ZFP90: variants seen among roughly 807,000 people sequenced by gnomAD.
ZFP90 encodes ZFP90 zinc finger protein.
A neutral mutation model predicts 60.8 loss-of-function variants in ZFP90; 38 were observed. That is an observed-to-expected ratio of 0.62 (90% CI 0.48 to 0.82). The LOEUF (loss-of-function observed/expected upper bound fraction) is 0.82. ZFP90 is among the 40% of genes least tolerant of loss of function. The pLI is 0.00. For missense variants in ZFP90, 711 were observed against 759.1 expected (o/e 0.94, Z 0.74); for synonymous variants, 287 against 264.8 (o/e 1.08, Z -0.82).
chr16:68,549,205 T>A (rs1299075680), intron 2 of ZFP90, among the ~76,000 whole-genome samples: 1 of 152,174 alleles, frequency 6.6e-6, no homozygotes, highest in East Asian at 1.9e-4. Flanking sequence ...GTTTAGTGTT[T>A]GCCTAGCAGC....
intron 2 of ZFP90, among the ~76,000 whole-genome samples, chr16:68,552,909 A>G (rs371320534): frequency 6.6e-6 from 1 of 152,026 alleles, no homozygotes; most frequent in African/African-American, 2.4e-5. Flanking sequence ...TAAAAAAAAT[A>G]GGTATGGTGG....
intron 2 of ZFP90, among the ~76,000 whole-genome samples, chr16:68,547,082 G>A (rs1414575414): frequency 1.3e-5 from 2 of 152,170 alleles, no homozygotes; most frequent in Non-Finnish European, 2.9e-5. Context: ...TATTGAACGT[G>A]GGGGTACAGA....
Position 68,563,645 on chromosome 16 carries a change from A to C in ZFP90, c.858A>C (p.Val286=), listed in dbSNP as rs1597749813. The change falls in exon 5 of 5, where the codon GTA becomes GTC. Residue 286 remains valine, a synonymous_variant. Transcript: ENST00000563169. ...GGGAGAAACCCTTTGAATGCAATGT[A>C]TGTGGAAAGGCCTTCAGGCATAGCT... ...HTGEKPFECN[V]CGKAFRHSSS... 2 of 1,614,148 alleles carry C rather than the reference A, an allele frequency of 1.2e-6. No individual in the cohort carries two copies. The highest frequency in any genetic ancestry group is 1.1e-5 in the South Asian group (1 of 91,072).
intron 2 of ZFP90, among the ~76,000 whole-genome samples, chr16:68,555,547 G>A (rs908586914): frequency 1.1e-4 from 16 of 152,218 alleles, no homozygotes; most frequent in Admixed American, 2.6e-4. Flanking sequence ...GAGATATAGT[G>A]TGAGTCAGGT....
chr16:68,556,681 T>C (rs115264806), intron 2 of ZFP90, among the ~76,000 whole-genome samples: 1,829 of 152,290 alleles, frequency 0.012, 52 homozygotes, highest in African/African-American at 0.042. Context: ...TCTCCGATCA[T>C]TGCTAGAAAC....
At chr16:68,534,479 CG>C (rs561186014), upstream of ZFP90, among the ~76,000 whole-genome samples, 598 of 151,228 alleles carry the variant, frequency 4.0e-3, 4 homozygotes, top group African/African-American at 0.014. Context: ...CCACCTGCCT[CG>C]GCCTCTCAAA....
chr16:68,568,902 C>T, downstream of ZFP90, among the ~76,000 whole-genome samples: 1 of 152,166 alleles, frequency 6.6e-6, no homozygotes, highest in East Asian at 1.9e-4. Flanking sequence ...TGGTTTCGAA[C>T]TCCTGGCCTC....
At chr16:68,570,305 G>T (rs1428733281), downstream of ZFP90, among the ~76,000 whole-genome samples, 3 of 152,304 alleles carry the variant, frequency 2.0e-5, no homozygotes, top group Non-Finnish European at 4.4e-5. Flanking sequence ...TCATACAGGT[G>T]CTTGGCTTCT....
At chr16:68,553,029 G>A (rs1439754143) in intron 2 of ZFP90, among the ~76,000 whole-genome samples, 4 of 152,176 alleles carry the variant, frequency 2.6e-5, no homozygotes, top group Non-Finnish European at 5.9e-5. Context: ...TCCAGCCCGG[G>A]CAACAGAGCA....
At chr16:68,538,839 C>T (rs1597706903), upstream of ZFP90, among the ~76,000 whole-genome samples, 1 of 152,172 alleles carries the variant, frequency 6.6e-6, no homozygotes, top group Non-Finnish European at 1.5e-5. Flanking sequence ...ACGGATTTGT[C>T]CGAAGTTTCT....
chr16:68,539,723 C>T (rs982587239), intron 1 of ZFP90, 35 bp from the exon 2 acceptor site: 40 of 1,483,800 alleles, frequency 2.7e-5, no homozygotes, highest in Non-Finnish European at 3.5e-5. Flanking sequence ...GTCGGTGTTG[C>T]AGCGGGGTGA....
At chr16:68,572,189 T>TC (rs2091572453) in intron 2 of ZFP90, among the ~76,000 whole-genome samples, 1 of 149,752 alleles carries the variant, frequency 6.7e-6, no homozygotes. Context: ...CTTTTTTTTT[T>TC]TCCATTTGGA....
intron 2 of ZFP90, among the ~76,000 whole-genome samples, chr16:68,574,488 T>C (rs1199830854): frequency 3.6e-5 from 2 of 55,118 alleles, no homozygotes; most frequent in East Asian, 1.1e-3. Context: ...GGCAAACATG[T>C]TGAAAAAAAA....
downstream of ZFP90, among the ~76,000 whole-genome samples, chr16:68,570,196 A>T: frequency 6.6e-6 from 1 of 152,140 alleles, no homozygotes; most frequent in African/African-American, 2.4e-5. Flanking sequence ...ACCCACTCCA[A>T]TCAGGTCTTT....
chr16:68,548,267 T>C (rs534272798), intron 2 of ZFP90, among the ~76,000 whole-genome samples: 36 of 152,334 alleles, frequency 2.4e-4, no homozygotes, highest in African/African-American at 7.7e-4. Flanking sequence ...TTCTGTCTTT[T>C]GAAAGAATTT....
intron 4 of ZFP90, 190 bp from the exon 5 acceptor site, chr16:68,562,853 AC>A: frequency 7.6e-7 from 1 of 1,309,370 alleles, no homozygotes; most frequent in East Asian, 2.5e-5. Context: ...CTTACCACAT[AC>A]TCTGAATCTG....
Position 68,563,113 on chromosome 16 carries a change from C to G in ZFP90, c.326C>G (p.Thr109Arg). The change falls in exon 5 of 5, where the codon ACA becomes AGA. Residue 109 changes from threonine to arginine, a missense_variant. Transcript: ENST00000563169. ...QQDVSEVSHCTHDLLHATLED... is the reference protein window; with the variant it reads ...QQDVSEVSHCRHDLLHATLED... ...GATGTATCAGAAGTATCCCACTGCA[C>G]ACATGATCTCTTACATGCTACATTA... 1.2e-6 allele frequency: 2 copies of G among 1,614,138 alleles called. No homozygotes were observed. Among genetic ancestry groups the G allele is most frequent in the Non-Finnish European group, 1.7e-6 (2 of 1,180,024 alleles).
intron 2 of ZFP90, among the ~76,000 whole-genome samples, chr16:68,548,082 C>T (rs917705082): frequency 6.6e-6 from 1 of 152,102 alleles, no homozygotes; most frequent in African/African-American, 2.4e-5. Context: ...CTGCCTCAGC[C>T]TCCCAAAGTG....
At chr16:68,540,938 G>T (rs1224799853) in intron 2 of ZFP90, among the ~76,000 whole-genome samples, 3 of 145,898 alleles carry the variant, frequency 2.1e-5, no homozygotes, top group Admixed American at 6.8e-5. Flanking sequence ...TTGAAACAGG[G>T]TCTCTTGTCA....
Sources: gnomAD v4.1 joint callset for allele counts (sites outside exome capture counted in the v4.1 genomes callset) on GRCh38, gnomAD v4.1.1 for gene constraint, MANE v1.5 for transcripts, NCBI Gene and HGNC (gene_info 2026-07-23, HGNC 2026-07-21) for gene names.